SKIC2: variants seen among roughly 807,000 people sequenced by gnomAD.
SKIC2 encodes superkiller complex protein 2.
the SKIC2 span, chr6:31,960,879 A>G: frequency 1.1e-6 from 1 of 880,108 alleles, no homozygotes; most frequent in African/African-American, 1.7e-5. Context: ...ATCTGCTGGG[A>G]AATTTCTACA....
At chr6:31,963,043 T>A in the SKIC2 span, 3 of 1,612,942 alleles carry the variant, frequency 1.9e-6, no homozygotes, top group Non-Finnish European at 2.5e-6. The surrounding 1 kb of genome is among the most constrained non-coding windows in gnomAD (Gnocchi z 5.3). Flanking sequence ...TCTATCATCC[T>A]TCTGAGTGCC....
At chr6:31,963,071 T>C in the SKIC2 span, 1 of 1,611,656 alleles carries the variant, frequency 6.2e-7, no homozygotes, top group Non-Finnish European at 8.5e-7. The surrounding 1 kb of genome is among the most constrained non-coding windows in gnomAD (Gnocchi z 5.3). Flanking sequence ...CCAACGCCCT[T>C]GAGTTTGCTG....
At chr6:31,967,729 C>T in the SKIC2 span, 11 of 1,612,904 alleles carry the variant, frequency 6.8e-6, no homozygotes, top group Non-Finnish European at 9.3e-6. This position sits in a 1 kb window ranked among gnomAD's most constrained non-coding sequence, Gnocchi z 4.9. Flanking sequence ...CCTCGAACTC[C>T]ACCAGCAGAG....
At chr6:31,967,038 G>A in the SKIC2 span, 6 of 1,612,954 alleles carry the variant, frequency 3.7e-6, no homozygotes, top group East Asian at 2.2e-5. The surrounding 1 kb of genome is among the most constrained non-coding windows in gnomAD (Gnocchi z 4.9). Context: ...CTGACCAAGA[G>A]GCTGGGAGCT....
At chr6:31,960,183 A>C in the SKIC2 span, 1 of 1,608,906 alleles carries the variant, frequency 6.2e-7, no homozygotes, top group Non-Finnish European at 8.5e-7. Flanking sequence ...GGACAGAGGA[A>C]GAAAGAAGAC....
At chr6:31,960,331 C>G in the SKIC2 span, 1 of 1,612,786 alleles carries the variant, frequency 6.2e-7, no homozygotes. Context: ...TACTGGGTTA[C>G]AAAGAGGTAG....
At chr6:31,963,873 A>T in the SKIC2 span, 2 of 1,560,476 alleles carry the variant, frequency 1.3e-6, no homozygotes, top group Non-Finnish European at 1.8e-6. The surrounding 1 kb of genome is among the most constrained non-coding windows in gnomAD (Gnocchi z 5.3). Flanking sequence ...TGGTTCAGGA[A>T]CTCAACCTCT....
At chr6:31,962,170 C>T in the SKIC2 span, 2 of 1,121,126 alleles carry the variant, frequency 1.8e-6, no homozygotes, top group East Asian at 2.4e-5. The surrounding 1 kb of genome is among the most constrained non-coding windows in gnomAD (Gnocchi z 5.0). Context: ...GTGAGAGGTT[C>T]AGGGCTAAGA....
the SKIC2 span, among the ~76,000 whole-genome samples, chr6:31,965,573 A>AAACAC: frequency 6.6e-6 from 1 of 152,198 alleles, no homozygotes; most frequent in African/African-American, 2.4e-5. The surrounding 1 kb of genome is among the most constrained non-coding windows in gnomAD (Gnocchi z 5.6). Flanking sequence ...ATGAAGGTAA[A>AAACAC]AGTTAAGAAA....
the SKIC2 span, chr6:31,968,993 C>T: frequency 1.1e-5 from 17 of 1,612,746 alleles, no homozygotes; most frequent in Non-Finnish European, 1.4e-5. This position sits in a 1 kb window ranked among gnomAD's most constrained non-coding sequence, Gnocchi z 6.1. Flanking sequence ...ATGCACTGAG[C>T]ACCCTGCGGC....
At chr6:31,968,806 G>C in the SKIC2 span, 1 of 1,610,310 alleles carries the variant, frequency 6.2e-7, no homozygotes, top group Admixed American at 1.7e-5. This position sits in a 1 kb window ranked among gnomAD's most constrained non-coding sequence, Gnocchi z 6.1. Flanking sequence ...GGTGGGTGGG[G>C]CAGTGGTTGG....
At chr6:31,969,159 C>A in the SKIC2 span, 1 of 1,545,922 alleles carries the variant, frequency 6.5e-7, no homozygotes, top group Non-Finnish European at 8.9e-7. The surrounding 1 kb of genome is among the most constrained non-coding windows in gnomAD (Gnocchi z 6.1). Context: ...AGGTAGTCCC[C>A]CAGGTGACCC....
At chr6:31,968,487 G>A in the SKIC2 span, 2 of 1,613,022 alleles carry the variant, frequency 1.2e-6, no homozygotes, top group Non-Finnish European at 1.7e-6. The surrounding 1 kb of genome is among the most constrained non-coding windows in gnomAD (Gnocchi z 6.1). Context: ...GGAAGCTGGA[G>A]GAGCTGATCC....
chr6:31,960,894 C>T, the SKIC2 span: 1 of 864,804 alleles, frequency 1.2e-6, no homozygotes, highest in Non-Finnish European at 1.9e-6. Flanking sequence ...TCTACAACAA[C>T]CTTTACTGTC....
At chr6:31,961,342 G>A in the SKIC2 span, 44 of 1,583,858 alleles carry the variant, frequency 2.8e-5, no homozygotes, top group Non-Finnish European at 3.4e-5. Flanking sequence ...TCCCTGCAGT[G>A]CTCCCCTGGC....
chr6:31,969,605 C>CA, the SKIC2 span: 1 of 1,613,012 alleles, frequency 6.2e-7, no homozygotes, highest in African/African-American at 1.3e-5. This position sits in a 1 kb window ranked among gnomAD's most constrained non-coding sequence, Gnocchi z 6.1. Flanking sequence ...TCGCTCACTG[C>CA]GGGGGGCAGC....
At chr6:31,963,606 G>T in the SKIC2 span, 1 of 1,530,644 alleles carries the variant, frequency 6.5e-7, no homozygotes. The surrounding 1 kb of genome is among the most constrained non-coding windows in gnomAD (Gnocchi z 5.3). Flanking sequence ...CCCCCAGCTG[G>T]ACATTGTGGC....
the SKIC2 span, chr6:31,967,499 CT>C: frequency 2.5e-6 from 2 of 814,896 alleles, no homozygotes; most frequent in Non-Finnish European, 4.0e-6. This position sits in a 1 kb window ranked among gnomAD's most constrained non-coding sequence, Gnocchi z 4.9. Flanking sequence ...TCTTGCCCTC[CT>C]TTTCACCCTC....
the SKIC2 span, chr6:31,963,814 T>A: frequency 6.7e-7 from 1 of 1,490,964 alleles, no homozygotes; most frequent in Non-Finnish European, 9.2e-7. The surrounding 1 kb of genome is among the most constrained non-coding windows in gnomAD (Gnocchi z 5.3). Flanking sequence ...CCAGGGGTTT[T>A]GACTTGAGCT....
Sources: allele counts gnomAD v4.1 joint callset (sites outside exome capture counted in the v4.1 genomes callset), GRCh38; gene constraint gnomAD v4.1.1; non-coding constraint Gnocchi (gnomAD v3.1); transcripts MANE v1.5; gene names NCBI Gene and HGNC (gene_info 2026-07-23, HGNC 2026-07-21).